Variants in RHBDL3 observed in about 807,000 individuals in gnomAD.
RHBDL3 encodes the protein rhomboid like 3.
In RHBDL3, 28 loss-of-function variants were observed where a neutral mutation model predicts 48.2. The ratio of observed to expected loss-of-function variants is 0.58; its 90% confidence interval spans 0.43 to 0.80. RHBDL3 has a LOEUF of 0.80. RHBDL3 is among the 30% of genes least tolerant of loss of function. RHBDL3 has a pLI of 0.00. For synonymous variants in RHBDL3, 208 were observed against 232.3 expected (o/e 0.90, Z 0.95); for missense variants, 464 against 542.7 (o/e 0.85, Z 1.44).
intron 2 of RHBDL3, among the ~76,000 whole-genome samples, chr17:32,277,146 C>G (rs1324717626): frequency 6.6e-6 from 1 of 152,210 alleles, no homozygotes; most frequent in Non-Finnish European, 1.5e-5. Flanking sequence ...CCAGTGGCAG[C>G]TGGTTCCTTG....
chr17:32,309,333 A>G (rs1270190947), intron 7 of RHBDL3, among the ~76,000 whole-genome samples: 1 of 151,902 alleles, frequency 6.6e-6, no homozygotes, highest in Non-Finnish European at 1.5e-5. Context: ...CAGGCGGATC[A>G]ACTGAGGTTG....
chr17:32,271,031 G>A (rs997231183), intron 2 of RHBDL3, among the ~76,000 whole-genome samples: 2 of 151,854 alleles, frequency 1.3e-5, no homozygotes, highest in African/African-American at 2.4e-5. Context: ...CCCCACCTCC[G>A]TTTTTTAAAA....
Position 32,323,017 on chromosome 17 carries a change from C to T in RHBDL3, c.*1788C>T, listed in dbSNP as rs1384419106. The T allele has an allele frequency of 1.3e-5, 2 of 152,424 alleles. No individual in the cohort carries two copies. Among genetic ancestry groups the T allele is most frequent in the Admixed American group, 6.5e-5 (1 of 15,282 alleles). The allele number at this position is 152,424 out of a possible 1,614,324, so 9.4% of individuals were successfully genotyped here. A position where few individuals can be genotyped will look rare whatever the true frequency, so the allele number is the denominator to read the frequency against. ...AGGGTCCAGGGTCAGTCAGGCCAGG[C>T]ATTTGGGGTCTTGGGCCACAGTGGC... is the stretch of plus-strand genomic sequence containing the variant. On this transcript the variant is annotated 3_prime_UTR_variant, in exon 9 of 9. Transcript: ENST00000269051.
At chr17:32,280,151 C>G (rs2040009100) in intron 2 of RHBDL3, among the ~76,000 whole-genome samples, 1 of 152,152 alleles carries the variant, frequency 6.6e-6, no homozygotes, top group South Asian at 2.1e-4. Context: ...GGCACTGAGC[C>G]CTATTCAGGA....
At chr17:32,291,569 T>C (rs1177427969) in intron 4 of RHBDL3, among the ~76,000 whole-genome samples, 1 of 150,094 alleles carries the variant, frequency 6.7e-6, no homozygotes, top group African/African-American at 2.5e-5. Context: ...TAATCCCAGC[T>C]ACTCAGGAGG....
chr17:32,295,575 G>A (rs1045686419), intron 5 of RHBDL3, among the ~76,000 whole-genome samples: 3 of 152,224 alleles, frequency 2.0e-5, no homozygotes, highest in Non-Finnish European at 4.4e-5. Context: ...GTGGCTGCAC[G>A]TGGGTTGGGA....
intron 7 of RHBDL3, among the ~76,000 whole-genome samples, chr17:32,314,720 T>A (rs957047666): frequency 6.6e-6 from 1 of 152,182 alleles, no homozygotes; most frequent in East Asian, 1.9e-4. Flanking sequence ...CCTCCCATCC[T>A]AGGGTTTCAG....
At chr17:32,266,344 G>T in intron 1 of RHBDL3, 44 bp downstream of exon 1, 1 of 1,057,998 alleles carries the variant, frequency 9.5e-7, no homozygotes, top group Non-Finnish European at 1.3e-6. Context: ...AGGGGGCGCC[G>T]GGGGGAAAAG....
chr17:32,288,746 G>A (rs747156148), intron 3 of RHBDL3, 46 bp from the exon 4 acceptor site: 15 of 1,465,480 alleles, frequency 1.0e-5, no homozygotes, highest in East Asian at 2.4e-5. Context: ...GGGGAGCTCC[G>A]CTGGGCCCCA....
intron 7 of RHBDL3, among the ~76,000 whole-genome samples, chr17:32,307,197 C>T (rs17732620): frequency 0.029 from 4,441 of 152,140 alleles, 85 homozygotes; most frequent in Non-Finnish European, 0.038. Flanking sequence ...TGGGAGCCTC[C>T]GGGTCTTACT....
chr17:32,294,396 C>G lies in RHBDL3; in HGVS notation c.622C>G (p.Arg208Gly). 6.2e-7 allele frequency: 1 copy of G among 1,614,150 alleles called. No individual in the cohort carries two copies. The highest frequency in any genetic ancestry group is 8.5e-7 in the Non-Finnish European group (1 of 1,179,998). The change falls in exon 5 of 9, where the codon CGA becomes GGA. Residue 208 changes from arginine to glycine, a missense_variant. Coordinates refer to ENST00000269051, the MANE Select transcript of RHBDL3 (RefSeq NM_138328.3). ...KNSLVYHPQL[R>G]AQVWRYLTYI... ...CTCCCTGGTTTACCACCCACAGCTG[C>G]GAGCACAGGTTTGGCGCTACCTGAC...
At chr17:32,279,601 C>G (rs1455029724) in intron 2 of RHBDL3, among the ~76,000 whole-genome samples, 1 of 152,204 alleles carries the variant, frequency 6.6e-6, no homozygotes, top group Non-Finnish European at 1.5e-5. Context: ...TGTCCTGTAG[C>G]CCCTTGACTG....
chr17:32,320,936 T>C, intron 8 of RHBDL3, 22 bp from the exon 9 acceptor site: 2 of 1,595,792 alleles, frequency 1.3e-6, no homozygotes, highest in Non-Finnish European at 1.7e-6. Context: ...CTGTGACATC[T>C]CTCTGCTTCC....
At chr17:32,266,753 C>G (rs2039642363) in intron 1 of RHBDL3, among the ~76,000 whole-genome samples, 1 of 152,114 alleles carries the variant, frequency 6.6e-6, no homozygotes, top group Non-Finnish European at 1.5e-5. Context: ...CCTCCGCTCC[C>G]GGATTAGCTC....
intron 2 of RHBDL3, among the ~76,000 whole-genome samples, chr17:32,283,452 T>C (rs1230466379): frequency 2.7e-5 from 4 of 150,728 alleles, no homozygotes; most frequent in Non-Finnish European, 5.9e-5. Flanking sequence ...GCCTCCCGAG[T>C]AGCTGGGACT....
intron 7 of RHBDL3, among the ~76,000 whole-genome samples, chr17:32,312,484 G>A (rs2040867154): frequency 6.6e-6 from 1 of 152,104 alleles, no homozygotes; most frequent in South Asian, 2.1e-4. Flanking sequence ...AGGGGGCCGA[G>A]CACAAATGGC....
intron 3 of RHBDL3, among the ~76,000 whole-genome samples, chr17:32,287,952 C>T (rs746141266): frequency 6.6e-6 from 1 of 152,214 alleles, no homozygotes; most frequent in Non-Finnish European, 1.5e-5. Context: ...GCTGCCAGAG[C>T]TCTACCCAGT....
chr17:32,282,857 C>T (rs988224776), intron 2 of RHBDL3, among the ~76,000 whole-genome samples: 5 of 152,080 alleles, frequency 3.3e-5, no homozygotes, highest in South Asian at 2.1e-4. Context: ...CTCCTGACCT[C>T]GTGATCCACC....
chr17:32,284,357 A>T (rs1317367577), intron 2 of RHBDL3: 1 of 300,648 alleles, frequency 3.3e-6, no homozygotes, highest in Non-Finnish European at 6.2e-6. Flanking sequence ...TCCTGCACTC[A>T]TTGCCTTTTC....
Sources: gnomAD v4.1 joint callset for allele counts (sites outside exome capture counted in the v4.1 genomes callset) on GRCh38, gnomAD v4.1.1 for gene constraint, MANE v1.5 for transcripts, NCBI Gene and HGNC (gene_info 2026-07-23, HGNC 2026-07-21) for gene names.